ARID4A: variants seen among roughly 807,000 people sequenced by gnomAD.
ARID4A encodes AT-rich interactive domain-containing protein 4A.
ARID4A carries 39 observed loss-of-function variants against 148.6 expected under a neutral mutation model. The observed-to-expected ratio is 0.26, with a 90% CI of 0.20 to 0.34. The LOEUF (loss-of-function observed/expected upper bound fraction) is 0.34. ARID4A is among the 10% of genes least tolerant of loss of function. The probability of loss-of-function intolerance (pLI) is 1.00; values close to 1 mark genes in which losing one functional copy is unlikely to be tolerated. For synonymous variants in ARID4A, 475 were observed against 481.2 expected (o/e 0.99, Z 0.17); for missense variants, 1,265 against 1,449.1 (o/e 0.87, Z 2.06).
chr14:58,301,816 GA>G, intron 3 of ARID4A, 126 bp downstream of exon 3: 1 of 528,448 alleles, frequency 1.9e-6, no homozygotes. Context: ...AAACTTAAAG[GA>G]AAAGCACATC....
intron 12 of ARID4A, among the ~76,000 whole-genome samples, chr14:58,345,575 A>G (rs2034318215): frequency 6.6e-6 from 1 of 152,144 alleles, no homozygotes; most frequent in African/African-American, 2.4e-5. Flanking sequence ...AAATCTTAAG[A>G]TAAATTGGTC....
chr14:58,330,425 G>T (rs2033458237), intron 11 of ARID4A, among the ~76,000 whole-genome samples: 1 of 152,006 alleles, frequency 6.6e-6, no homozygotes, highest in Non-Finnish European at 1.5e-5. Context: ...TTTTTTTGGG[G>T]TCTTTTCCAA....
intron 15 of ARID4A, among the ~76,000 whole-genome samples, chr14:58,350,809 T>C (rs1394005059): frequency 6.6e-6 from 1 of 152,178 alleles, no homozygotes; most frequent in Admixed American, 6.6e-5. Context: ...TTTTTGTTGT[T>C]GTTGTTTACT....
intron 5 of ARID4A, among the ~76,000 whole-genome samples, chr14:58,315,296 C>T (rs2032334874): frequency 6.6e-6 from 1 of 151,562 alleles, no homozygotes; most frequent in Non-Finnish European, 1.5e-5. Flanking sequence ...TTTTTCCTTC[C>T]AAAAATCTGA....
Position 58,306,029 on chromosome 14 carries a change from C to T in ARID4A, c.191C>T (p.Ala64Val). ...TGGGATTTCACATTTTAGGTTGGAGCTATTGTTGAAACAAGGACATCTGAT... is the reference window on the plus strand; with the variant it reads ...TGGGATTTCACATTTTAGGTTGGAGTTATTGTTGAAACAAGGACATCTGAT... ...DQVKGPLRVG[A>V]IVETRTSDGS... Residue 64 changes from alanine (A) to valine (V), a missense_variant, in exon 5 of 24, where the codon GCT (alanine) becomes GTT (valine). By Grantham distance (64) the Ala-to-Val change is moderately conservative. Transcript: ENST00000355431. The T allele has an allele frequency of 6.2e-7, 1 of 1,612,998 alleles. No homozygotes were observed. The highest frequency in any genetic ancestry group is 8.5e-7 in the Non-Finnish European group (1 of 1,179,262).
intron 23 of ARID4A, among the ~76,000 whole-genome samples, chr14:58,371,299 C>G (rs2035601701): frequency 6.6e-6 from 1 of 151,952 alleles, no homozygotes; most frequent in Admixed American, 6.6e-5. Context: ...AAGAGTATTG[C>G]AAGGAAAGAG....
intron 19 of ARID4A, among the ~76,000 whole-genome samples, chr14:58,362,951 A>C (rs1477474221): frequency 6.6e-6 from 1 of 152,190 alleles, no homozygotes; most frequent in Non-Finnish European, 1.5e-5. Context: ...CTATTAGTCC[A>C]TATGGTGCTT....
At position 58,353,795 on chromosome 14, in the gene ARID4A, G is replaced by A. The variant is rs1448301549; in HGVS notation, c.1793G>A (p.Ser598Asn). The A allele has an allele frequency of 2.5e-6, 4 of 1,613,978 alleles. No individual in the cohort carries two copies. The highest frequency in any genetic ancestry group is 4.5e-5 in the East Asian group (2 of 44,838). The change falls in exon 17 of 24, where the codon AGC (serine) becomes AAC (asparagine). Residue 598 changes from serine to asparagine, a missense_variant. Coordinates refer to ENST00000355431, the MANE Select transcript of ARID4A (RefSeq NM_002892.4). ...AAAATTTATGAAGCCAGTATTAAAA[G>A]CACTGAAATTGATGACGGAGAAGTT... ...TQKIYEASIKSTEIDDGEVLY... is the reference protein window; with the variant it reads ...TQKIYEASIKNTEIDDGEVLY...
chr14:58,299,456 G>A (rs912642076), intron 1 of ARID4A: 4 of 172,718 alleles, frequency 2.3e-5, no homozygotes, highest in Non-Finnish European at 4.9e-5. Context: ...CTCGGCGGTC[G>A]TCTCCGCGGG....
chr14:58,325,155 A>C (rs961034910), intron 8 of ARID4A, among the ~76,000 whole-genome samples: 4 of 152,182 alleles, frequency 2.6e-5, no homozygotes, highest in African/African-American at 9.7e-5. Context: ...TTGGAAATTA[A>C]TGCCTTTTTT....
chr14:58,355,430 TATAA>T (rs1305997682), intron 17 of ARID4A, among the ~76,000 whole-genome samples: 1 of 152,216 alleles, frequency 6.6e-6, no homozygotes, highest in Non-Finnish European at 1.5e-5. Flanking sequence ...AAGTTTAATG[TATAA>T]ATTAAGCACA....
intron 15 of ARID4A, among the ~76,000 whole-genome samples, chr14:58,349,701 G>A (rs768786527): frequency 2.6e-4 from 40 of 151,972 alleles, no homozygotes; most frequent in Middle Eastern, 3.4e-3. Flanking sequence ...TCGATAGAGC[G>A]AGACTCCATC....
intron 3 of ARID4A, 100 bp from the exon 4 acceptor site, chr14:58,304,844 G>A: frequency 1.1e-5 from 11 of 1,012,462 alleles, no homozygotes; most frequent in Non-Finnish European, 1.7e-5. Context: ...ACCACATGGT[G>A]CTAAGAAAGC....
At chr14:58,368,673 G>A (rs146414917) in intron 23 of ARID4A, among the ~76,000 whole-genome samples, 18 of 152,104 alleles carry the variant, frequency 1.2e-4, no homozygotes, top group African/African-American at 4.3e-4. Context: ...AGAAGTGTTT[G>A]GGTTTTTTAT....
chr14:58,337,267 T>TATATATATATATATATATATATATATAA lies in ARID4A; in HGVS notation c.906+7099_906+7100insTATATATATATATATATATATATATAAA, dbSNP rs1411261595. Among the ~76,000 whole-genome samples the TATATATATATATATATATATATATATAA allele has an allele frequency of 2.9e-5, 4 of 137,760 alleles. No homozygotes were observed. In the South Asian group the frequency reaches 6.8e-4, roughly 23 times the overall value. The allele number at this position is 137,760 out of a possible 152,430, so 90.4% of individuals were successfully genotyped here. A position where few individuals can be genotyped will look rare whatever the true frequency, so the allele number is the denominator to read the frequency against. On this transcript the variant is annotated intron_variant, in intron 11 of 23. Transcript: ENST00000355431. ...TTATTTATATATATATATATATATA[T>TATATATATATATATATATATATATATAA]AATTAAAACCGAGGTTTAGAGAGGT...
At chr14:58,321,648 C>T (rs559388749) in intron 7 of ARID4A, among the ~76,000 whole-genome samples, 1 of 152,132 alleles carries the variant, frequency 6.6e-6, no homozygotes, top group African/African-American at 2.4e-5. Flanking sequence ...CTCACTGCTG[C>T]TGGGGAGTAT....
intron 5 of ARID4A, among the ~76,000 whole-genome samples, chr14:58,306,618 C>T (rs931137447): frequency 6.6e-6 from 1 of 152,184 alleles, no homozygotes; most frequent in Non-Finnish European, 1.5e-5. Context: ...TGGCTCATGC[C>T]TGTAATCCTA....
At chr14:58,319,266 A>G (rs1441935708) in intron 7 of ARID4A, among the ~76,000 whole-genome samples, 4 of 149,484 alleles carry the variant, frequency 2.7e-5, no homozygotes, top group African/African-American at 7.4e-5. Context: ...ATGGGGTTTC[A>G]CCATATTGGC....
At position 58,353,775 on chromosome 14, in the gene ARID4A, T is replaced by A; in HGVS notation, c.1773T>A (p.Ile591=). The part of the protein sequence containing the change: ...VKYGRGKTQK[I]YEASIKSTEI... ...ATGGACGAGGGAAGACTCAGAAAAT[T>A]TATGAAGCCAGTATTAAAAGCACTG... Residue 591 remains isoleucine (I), a synonymous_variant, in exon 17 of 24, where the codon ATT becomes ATA. Transcript: ENST00000355431. 6.2e-7 allele frequency: 1 copy of A among 1,613,966 alleles called. No homozygotes were observed. The highest frequency in any genetic ancestry group is 8.5e-7 in the Non-Finnish European group (1 of 1,179,958).
Sources: gnomAD v4.1 joint callset for allele counts (sites outside exome capture counted in the v4.1 genomes callset) on GRCh38, gnomAD v4.1.1 for gene constraint, MANE v1.5 for transcripts, NCBI Gene and HGNC (gene_info 2026-07-23, HGNC 2026-07-21) for gene names.